The following SMCO2 variants were observed in gnomAD, a reference collection of about 807,000 sequenced individuals.
SMCO2 encodes single-pass membrane and coiled-coil domain-containing protein 2.
A neutral mutation model predicts 29.5 loss-of-function variants in SMCO2; 25 were observed. The observed-to-expected ratio is 0.85, with a 90% CI of 0.62 to 1.18. The LOEUF (loss-of-function observed/expected upper bound fraction) is 1.18. Among genes scored for constraint, SMCO2 ranks in the 50% most tolerant of loss-of-function variants. SMCO2 has a pLI of 0.00. For missense variants in SMCO2, 348 were observed against 344.5 expected (o/e 1.01, Z -0.08); for synonymous variants, 117 against 123.3 (o/e 0.95, Z 0.34).
At chr12:27,449,720 T>C in the SMCO2 span, among the ~76,000 whole-genome samples, 1 of 152,364 alleles carries the variant, frequency 6.6e-6, no homozygotes, top group African/African-American at 2.4e-5. Context: ...ACACCAATTA[T>C]GTCCCACTCC....
the SMCO2 span, among the ~76,000 whole-genome samples, chr12:27,455,324 A>G: frequency 6.6e-6 from 1 of 152,212 alleles, no homozygotes; most frequent in Non-Finnish European, 1.5e-5. Flanking sequence ...GAATATCGAA[A>G]TATTTATTAC....
chr12:27,458,529 A>G, the SMCO2 span, among the ~76,000 whole-genome samples: 1 of 152,196 alleles, frequency 6.6e-6, no homozygotes, highest in South Asian at 2.1e-4. Flanking sequence ...TCTACACTAA[A>G]TTTTTGTGAG....
chr12:27,494,711 G>A (rs757030402), intron 6 of SMCO2, among the ~76,000 whole-genome samples: 8 of 151,962 alleles, frequency 5.3e-5, no homozygotes, highest in East Asian at 1.9e-4. Context: ...TTGTGTCCAT[G>A]TGTTTTCATT....
chr12:27,464,804 G>A (rs866604093), upstream of SMCO2, among the ~76,000 whole-genome samples: 8 of 149,364 alleles, frequency 5.4e-5, no homozygotes, highest in South Asian at 2.1e-4. Flanking sequence ...GGTGGATCAC[G>A]AGGTCGGGAG....
At chr12:27,488,193 T>G in intron 4 of SMCO2, among the ~76,000 whole-genome samples, 1 of 152,360 alleles carries the variant, frequency 6.6e-6, no homozygotes, top group East Asian at 1.9e-4. Context: ...TGTGTTTTTT[T>G]CTTAGAAATT....
intron 6 of SMCO2, 126 bp from the exon 8 acceptor site, chr12:27,495,554 A>G (rs1942989127): frequency 3.8e-6 from 3 of 787,274 alleles, no homozygotes; most frequent in Non-Finnish European, 3.7e-6. Flanking sequence ...TGTTCATGGG[A>G]CCTATGTGTG....
intron 5 of SMCO2, among the ~76,000 whole-genome samples, chr12:27,491,527 TTGA>T (rs1949735261): frequency 6.6e-6 from 1 of 152,170 alleles, no homozygotes; most frequent in African/African-American, 2.4e-5. Flanking sequence ...AATTCAGGGA[TTGA>T]TGATGAATAA....
the SMCO2 span, among the ~76,000 whole-genome samples, chr12:27,450,468 G>C: frequency 6.6e-6 from 1 of 152,180 alleles, no homozygotes; most frequent in East Asian, 1.9e-4. Context: ...TCCAACACTA[G>C]TAAGGCTAGG....
chr12:27,456,906 G>A, the SMCO2 span, among the ~76,000 whole-genome samples: 6 of 152,268 alleles, frequency 3.9e-5, no homozygotes, highest in Middle Eastern at 3.4e-3. Flanking sequence ...TGTCAGAGCC[G>A]CAGAGGCATT....
At chr12:27,462,339 CCTTT>C (rs138802057), upstream of SMCO2, among the ~76,000 whole-genome samples, 426 of 152,234 alleles carry the variant, frequency 2.8e-3, 14 homozygotes, top group East Asian at 0.057. Flanking sequence ...CCCCTTACTC[CCTTT>C]CTTTTTCTTT....
intron 4 of SMCO2, among the ~76,000 whole-genome samples, chr12:27,483,689 T>G (rs1311386444): frequency 1.3e-5 from 2 of 152,200 alleles, no homozygotes; most frequent in Non-Finnish European, 2.9e-5. Flanking sequence ...CCTCCTAAAG[T>G]GCTGAGATTA....
the SMCO2 span, among the ~76,000 whole-genome samples, chr12:27,431,801 T>TCTTTTC: frequency 6.6e-6 from 1 of 152,218 alleles, no homozygotes; most frequent in South Asian, 2.1e-4. Context: ...AATTCCATTT[T>TCTTTTC]CTTTTTCTTT....
At chr12:27,449,322 T>G in the SMCO2 span, among the ~76,000 whole-genome samples, 9 of 152,256 alleles carry the variant, frequency 5.9e-5, no homozygotes, top group Admixed American at 5.9e-4. Flanking sequence ...CATTTCATAC[T>G]TTCGTTATGT....
chr12:27,460,045 T>C, the SMCO2 span, among the ~76,000 whole-genome samples: 1 of 152,192 alleles, frequency 6.6e-6, no homozygotes, highest in African/African-American at 2.4e-5. Flanking sequence ...ATACCACAAA[T>C]CTAAAATTAA....
intron 5 of SMCO2, 37 bp downstream of exon 6, chr12:27,488,584 GA>G: frequency 6.9e-7 from 1 of 1,445,548 alleles, no homozygotes; most frequent in Non-Finnish European, 9.3e-7. Context: ...AGAGGTTGGG[GA>G]TTTCTGTCAC....
At chr12:27,492,578 A>G (rs1942931755) in intron 5 of SMCO2, among the ~76,000 whole-genome samples, 1 of 152,224 alleles carries the variant, frequency 6.6e-6, no homozygotes, top group African/African-American at 2.4e-5. Flanking sequence ...CATATGAAAA[A>G]AAGCTCAATA....
chr12:27,434,647 T>TA, the SMCO2 span, among the ~76,000 whole-genome samples: 6 of 152,092 alleles, frequency 3.9e-5, no homozygotes, highest in Non-Finnish European at 5.9e-5. Context: ...TTAGTTTATT[T>TA]AAAAAAACAA....
chr12:27,444,492 A>C, the SMCO2 span, among the ~76,000 whole-genome samples: 1 of 152,182 alleles, frequency 6.6e-6, no homozygotes, highest in Non-Finnish European at 1.5e-5. Flanking sequence ...AAAAATAGAC[A>C]ATTGGGATTA....
chr12:27,502,107 T>C (rs746586074), exon 8 of SMCO2: 5 of 1,540,562 alleles, frequency 3.2e-6, no homozygotes, highest in Non-Finnish European at 4.4e-6. Context: ...AGTGGAAGCC[T>C]TGTTACCCTC....
Sources: gnomAD v4.1 joint callset for allele counts (sites outside exome capture counted in the v4.1 genomes callset) on GRCh38, gnomAD v4.1.1 for gene constraint, MANE v1.5 for transcripts, NCBI Gene and HGNC (gene_info 2026-07-23, HGNC 2026-07-21) for gene names.